Variants in FAM81A observed in about 807,000 individuals in gnomAD.
The protein encoded by FAM81A is protein FAM81A.
Under a neutral mutation model 46.7 loss-of-function variants are expected in FAM81A, and 19 were observed. The observed-to-expected ratio is 0.41, with a 90% confidence interval of 0.28 to 0.60. The LOEUF (loss-of-function observed/expected upper bound fraction) is 0.60, where lower values mean the gene tolerates loss of function less well. FAM81A is among the 20% of genes least tolerant of loss of function. The pLI is 0.34. For synonymous variants in FAM81A, 183 were observed against 152.9 expected (o/e 1.20, Z -1.45); for missense variants, 377 against 453.5 (o/e 0.83, Z 1.53).
chr15:59,521,642 ATCT>A lies in FAM81A; in HGVS notation c.*270_*272del, dbSNP rs1462739410. 19 of 306,868 alleles carry A rather than the reference ATCT, an allele frequency of 6.2e-5. No homozygotes were observed. Among genetic ancestry groups the A allele is most frequent in the African/African-American group, 3.2e-4 (15 of 46,522 alleles). The allele number at this position is 306,868 out of a possible 1,614,324, so 19.0% of individuals were successfully genotyped here. A position where few individuals can be genotyped will look rare whatever the true frequency, so the allele number is the denominator to read the frequency against. On this transcript the variant is annotated 3_prime_UTR_variant, in exon 9 of 9. Coordinates refer to ENST00000288228, the MANE Select transcript of FAM81A (RefSeq NM_152450.3). ...CCGCCCTGGATTTTGAAAGGCTTTT[ATCT>A]TCTTCATTTTACGAATGGAAAGACG...
At chr15:59,416,583 T>TG (rs1439039851) in intron 2 of FAM81A, among the ~76,000 whole-genome samples, 1 of 152,148 alleles carries the variant, frequency 6.6e-6, no homozygotes, top group Non-Finnish European at 1.5e-5. Context: ...TGAAGGGATG[T>TG]GGGGTGGGGC....
chr15:59,400,473 G>C (rs1405953908), intron 1 of FAM81A, among the ~76,000 whole-genome samples: 2 of 152,084 alleles, frequency 1.3e-5, no homozygotes, highest in African/African-American at 2.4e-5. Flanking sequence ...CCTACCCCAT[G>C]AATCACACTA....
Position 59,516,847 on chromosome 15 carries a change from C to T in FAM81A, c.982+7C>T. Reference sequence around the variant, plus strand: ...AAAGCAGAAGTTAATGCTGGTAGGCCAAAACCAGAACAGCTCACGTGCTTT... The same window carrying T: ...AAAGCAGAAGTTAATGCTGGTAGGCTAAAACCAGAACAGCTCACGTGCTTT... On this transcript the variant is annotated splice_region_variant and intron_variant, in intron 8 of 8. Coordinates refer to ENST00000288228, the MANE Select transcript of FAM81A (RefSeq NM_152450.3). The T allele has an allele frequency of 1.9e-6, 3 of 1,589,434 alleles. No individual in the cohort carries two copies. In the South Asian group the frequency reaches 3.4e-5, roughly 18 times the overall value.
chr15:59,398,981 A>G (rs571939435), intron 1 of FAM81A, among the ~76,000 whole-genome samples: 37 of 152,156 alleles, frequency 2.4e-4, no homozygotes, highest in African/African-American at 7.2e-4. Context: ...CATCCTGGCT[A>G]ACATGGTGAA....
chr15:59,453,748 T>A (rs1176196174), intron 1 of FAM81A, among the ~76,000 whole-genome samples: 1 of 151,378 alleles, frequency 6.6e-6, no homozygotes, highest in African/African-American at 2.4e-5. Context: ...AAAAAAAAAT[T>A]TGGAAGAGAG....
intron 2 of FAM81A, among the ~76,000 whole-genome samples, chr15:59,428,592 T>A (rs2081205268): frequency 2.7e-5 from 4 of 148,696 alleles, no homozygotes; most frequent in African/African-American, 9.8e-5. Context: ...TTGAGGTGCA[T>A]CTTCTACTAC....
chr15:59,422,254 G>T (rs1158650668), intron 2 of FAM81A, among the ~76,000 whole-genome samples: 4 of 151,970 alleles, frequency 2.6e-5, no homozygotes, highest in South Asian at 2.1e-4. Flanking sequence ...CAGGCATGGT[G>T]ACACATGCTT....
intron 3 of FAM81A, among the ~76,000 whole-genome samples, chr15:59,487,565 A>T (rs1206828303): frequency 6.6e-6 from 1 of 152,048 alleles, no homozygotes; most frequent in Non-Finnish European, 1.5e-5. Context: ...AGAGATGAAA[A>T]AGGAGACCTT....
At chr15:59,505,401 A>C (rs1467309132) in intron 4 of FAM81A, among the ~76,000 whole-genome samples, 1 of 151,746 alleles carries the variant, frequency 6.6e-6, no homozygotes, top group African/African-American at 2.4e-5. Flanking sequence ...AATCCCAGCT[A>C]CTCAGGAGGC....
chr15:59,463,530 G>A (rs1309999583), intron 3 of FAM81A, among the ~76,000 whole-genome samples: 3 of 152,050 alleles, frequency 2.0e-5, no homozygotes, highest in Non-Finnish European at 4.4e-5. Flanking sequence ...GACTTTGATA[G>A]AGATTGCTTT....
intron 1 of FAM81A, among the ~76,000 whole-genome samples, chr15:59,450,278 T>G: frequency 6.6e-6 from 1 of 152,116 alleles, no homozygotes; most frequent in Non-Finnish European, 1.5e-5. Context: ...TGCATGAATA[T>G]ATCATAGTTT....
At chr15:59,411,847 G>A (rs906546819) in intron 2 of FAM81A, among the ~76,000 whole-genome samples, 1 of 152,116 alleles carries the variant, frequency 6.6e-6, no homozygotes, top group Non-Finnish European at 1.5e-5. Context: ...CCAGGAGGTG[G>A]AGGTTGCAGT....
At chr15:59,417,259 G>A (rs2081150617) in intron 2 of FAM81A, among the ~76,000 whole-genome samples, 1 of 152,090 alleles carries the variant, frequency 6.6e-6, no homozygotes, top group Non-Finnish European at 1.5e-5. Context: ...TGAGGATGCT[G>A]AGTTAGTGGT....
intron 6 of FAM81A, 143 bp downstream of exon 6, chr15:59,509,112 C>T: frequency 1.6e-6 from 1 of 618,188 alleles, no homozygotes; most frequent in Non-Finnish European, 2.7e-6. Flanking sequence ...TTCCTTGTAT[C>T]ATGTTGCCAC....
At chr15:59,505,540 G>T (rs149774892) in intron 4 of FAM81A, among the ~76,000 whole-genome samples, 1 of 151,518 alleles carries the variant, frequency 6.6e-6, no homozygotes, top group African/African-American at 2.4e-5. Context: ...ACAGAAAGGC[G>T]TCATTGATCA....
chr15:59,486,656 A>T (rs80348972), intron 3 of FAM81A, among the ~76,000 whole-genome samples: 19 of 152,122 alleles, frequency 1.2e-4, no homozygotes, highest in African/African-American at 4.3e-4. Context: ...CCTAAAGGCA[A>T]CAAGACAAAA....
chr15:59,480,239 G>T (rs1427114458), intron 3 of FAM81A, among the ~76,000 whole-genome samples: 1 of 152,226 alleles, frequency 6.6e-6, no homozygotes, highest in African/African-American at 2.4e-5. Flanking sequence ...CTCTGCTGTA[G>T]TTGGGCCTTT....
rs552322530 is a variant in FAM81A at position 59,460,483 on chromosome 15, G to A, written c.294+277G>A. 9.2e-4 allele frequency: 451 copies of A among 487,956 alleles called. No individual in the cohort carries two copies. Among genetic ancestry groups the A allele is most frequent in the Non-Finnish European group, 1.4e-3 (371 of 267,176 alleles). The allele number at this position is 487,956 out of a possible 1,614,324, so 30.2% of individuals were successfully genotyped here. ...GATTTTATTTTGTTTGGCTCTTAAT[G>A]AAGAGAGAGAAGAACTAGTCGAATA... On this transcript the variant is annotated intron_variant, in intron 3 of 8. Coordinates refer to ENST00000288228, the MANE Select transcript of FAM81A (RefSeq NM_152450.3). The surrounding 1 kb of genome is among the most constrained non-coding windows in gnomAD (Gnocchi z 4.4).
In FAM81A at chr15:59,448,212, A is replaced by T. The variant is rs192749323; in HGVS notation, c.-78+9930A>T. Among the ~76,000 whole-genome samples, 115 of 152,240 alleles carry T rather than the reference A, an allele frequency of 7.6e-4. No individual in the cohort carries two copies. The East Asian group carries it at 0.018, about 23-fold the overall frequency. On this transcript the variant is annotated intron_variant, in intron 1 of 8. Transcript: ENST00000288228. ...GACAACATGGCGAAACCCCGCCTCT[A>T]CTAAAAATACAAAAATTAGCTGTGT...
Sources: allele counts gnomAD v4.1 joint callset (sites outside exome capture counted in the v4.1 genomes callset), GRCh38; gene constraint gnomAD v4.1.1; non-coding constraint Gnocchi (gnomAD v3.1); transcripts MANE v1.5; gene names NCBI Gene and HGNC (gene_info 2026-07-23, HGNC 2026-07-21).